The following UBE2K variants were observed in gnomAD, a reference collection of about 807,000 sequenced individuals.
UBE2K encodes ubiquitin conjugating enzyme E2 K.
UBE2K carries 6 observed loss-of-function variants against 30.0 expected under a neutral mutation model. The observed-to-expected ratio is 0.20, with a 90% CI of 0.11 to 0.39. The LOEUF is 0.39. Ranked by LOEUF, UBE2K falls within the 10% of genes least tolerant of loss-of-function variation. The probability of loss-of-function intolerance (pLI) is 1.00; values close to 1 mark genes in which losing one functional copy is unlikely to be tolerated. For synonymous variants in UBE2K, 86 were observed against 83.7 expected, an observed-to-expected ratio of 1.03 and a Z score of -0.15; for missense variants, 61 against 241.6, an observed-to-expected ratio of 0.25 and a Z score of 4.96.
chr4:39,711,845 C>G (rs1267993114), intron 1 of UBE2K, among the ~76,000 whole-genome samples: 1 of 151,654 alleles, frequency 6.6e-6, no homozygotes. Flanking sequence ...CCAGACCAGC[C>G]TGAACACCAT....
chr4:39,760,796 A>C (rs549161924), intron 4 of UBE2K, among the ~76,000 whole-genome samples: 2 of 152,232 alleles, frequency 1.3e-5, no homozygotes, highest in East Asian at 1.9e-4. Context: ...AAAATTAAAA[A>C]AAATTAAAAC....
intron 4 of UBE2K, chr4:39,771,088 T>G (rs1712785620): frequency 4.3e-6 from 7 of 1,612,612 alleles, no homozygotes; most frequent in Non-Finnish European, 5.9e-6. Flanking sequence ...CTGGCATTTC[T>G]CCACCACGTG....
At chr4:39,728,599 C>T (rs570106037) in intron 1 of UBE2K, among the ~76,000 whole-genome samples, 44 of 151,346 alleles carry the variant, frequency 2.9e-4, no homozygotes, top group Middle Eastern at 3.4e-3. Context: ...TTTCCTTTTC[C>T]CTTTCCCTCC....
intron 1 of UBE2K, among the ~76,000 whole-genome samples, chr4:39,734,766 G>A (rs73240676): frequency 0.1 from 15,757 of 152,214 alleles, 1,095 homozygotes; most frequent in East Asian, 0.22. Context: ...AGCTGAGATC[G>A]CACTGCTGCA....
intron 1 of UBE2K, 63 bp downstream of exon 1, chr4:39,698,453 C>T: frequency 1.3e-6 from 2 of 1,481,906 alleles, no homozygotes; most frequent in Non-Finnish European, 9.3e-7. Flanking sequence ...CTCCCAGCTG[C>T]GACCCCGATA....
rs1209400597 is a variant in UBE2K at position 39,703,575 on chromosome 4, G to A, written c.63+5185G>A. Among the ~76,000 whole-genome samples the A allele has an allele frequency of 8.6e-5, 13 of 151,988 alleles. 1 individual carries two copies. Among genetic ancestry groups the A allele is most frequent in the South Asian group, 8.3e-4 (4 of 4,824 alleles). On this transcript the variant is annotated intron_variant, in intron 1 of 6. Transcript: ENST00000261427. ...CTATATAAGAAGAACACAGCCAGGCGTGGTGGCTCACGCCTGTAATCCCAG... is the reference window on the plus strand; with the variant it reads ...CTATATAAGAAGAACACAGCCAGGCATGGTGGCTCACGCCTGTAATCCCAG...
At chr4:39,731,975 G>T (rs1356721876) in intron 1 of UBE2K, among the ~76,000 whole-genome samples, 1 of 151,954 alleles carries the variant, frequency 6.6e-6, no homozygotes, top group African/African-American at 2.4e-5. Context: ...TTTGAGATTT[G>T]GATTTAAATT....
intron 1 of UBE2K, among the ~76,000 whole-genome samples, chr4:39,734,727 A>G (rs1312124416): frequency 6.6e-6 from 1 of 152,134 alleles, no homozygotes; most frequent in Non-Finnish European, 1.5e-5. Context: ...TGGGAGAATC[A>G]CCTGAGCTTG....
At chr4:39,758,345 A>G (rs1346303404) in intron 4 of UBE2K, among the ~76,000 whole-genome samples, 1 of 152,026 alleles carries the variant, frequency 6.6e-6, no homozygotes, top group Non-Finnish European at 1.5e-5. Flanking sequence ...GCTTTTACCT[A>G]CTCAGGCTAT....
chr4:39,731,664 A>T (rs1045840290), intron 1 of UBE2K, among the ~76,000 whole-genome samples: 3 of 150,964 alleles, frequency 2.0e-5, no homozygotes, highest in Non-Finnish European at 4.4e-5. Context: ...TCAAAAAAAT[A>T]AAAAAAAAAT....
intron 1 of UBE2K, among the ~76,000 whole-genome samples, chr4:39,706,369 G>A (rs1191389113): frequency 1.3e-5 from 2 of 151,462 alleles, no homozygotes; most frequent in East Asian, 3.9e-4. Context: ...TCATTGTATT[G>A]GCCAGGCTGG....
At chr4:39,762,030 T>C (rs978192330) in intron 4 of UBE2K, among the ~76,000 whole-genome samples, 4 of 151,578 alleles carry the variant, frequency 2.6e-5, no homozygotes, top group Non-Finnish European at 5.9e-5. Flanking sequence ...AAATAAAAAA[T>C]TAGCCGGGCG....
In UBE2K at chr4:39,750,720, CTT is replaced by C. The variant is rs33938106; in HGVS notation, c.217-4923_217-4922del. On this transcript the variant is annotated intron_variant, in intron 3 of 6. Transcript: ENST00000261427. The stretch of plus-strand genomic sequence containing the variant: ...CGGAGATAATCTTGAAGATTAAATT[CTT>C]TTTTTTTTTTTTTACAAAATTTTTA... Among the ~76,000 whole-genome samples, 1,335 of 142,908 alleles carry C rather than the reference CTT, an allele frequency of 9.3e-3. 18 individuals are homozygous for C. Among genetic ancestry groups the C allele is most frequent in the African/African-American group, 0.028 (1,087 of 39,084 alleles). 93.8% of individuals were successfully genotyped at this position (142,908 alleles called of 152,430 possible).
chr4:39,736,394 G>A (rs1720382205), intron 1 of UBE2K, among the ~76,000 whole-genome samples: 1 of 152,316 alleles, frequency 6.6e-6, no homozygotes, highest in Non-Finnish European at 1.5e-5. Context: ...CCCAGGAGGT[G>A]GAGGTTGCAG....
rs1019470203 is a variant in UBE2K, at chr4:39,755,529, C to T, written c.217-128C>T. 5 of 652,676 alleles carry T rather than the reference C, an allele frequency of 7.7e-6. No individual in the cohort carries two copies. In the African/African-American group the frequency reaches 9.5e-5, roughly 12 times the overall value. 40.4% of individuals were successfully genotyped at this position (652,676 alleles called of 1,614,324 possible). A position where few individuals can be genotyped will look rare whatever the true frequency, so the allele number is the denominator to read the frequency against. ...TTGTCTTCTACACCCCTTCTTTCACCTAGGCAAAATGATGTAATAGATATA... is the reference window on the plus strand; with the variant it reads ...TTGTCTTCTACACCCCTTCTTTCACTTAGGCAAAATGATGTAATAGATATA... On this transcript the variant is annotated intron_variant, in intron 3 of 6. Coordinates refer to ENST00000261427, the MANE Select transcript of UBE2K (RefSeq NM_005339.5).
At chr4:39,730,731 C>G (rs771170211) in intron 1 of UBE2K, among the ~76,000 whole-genome samples, 3 of 151,324 alleles carry the variant, frequency 2.0e-5, no homozygotes, top group African/African-American at 7.3e-5. Context: ...GATTGCGCCA[C>G]TGCACTCCAG....
At chr4:39,747,956 C>G (rs1317116638) in intron 3 of UBE2K, among the ~76,000 whole-genome samples, 1 of 152,084 alleles carries the variant, frequency 6.6e-6, no homozygotes, top group East Asian at 1.9e-4. Flanking sequence ...CACCCGCCAC[C>G]AAGCCCAGCT....
rs866188997 is a variant in UBE2K at position 39,779,831 on chromosome 4, T to G, written c.*1397T>G. The G allele has an allele frequency of 6.6e-6, 1 of 152,192 alleles. No individual in the cohort carries two copies. The highest frequency in any genetic ancestry group is 1.5e-5 in the Non-Finnish European group (1 of 68,018). The allele number at this position is 152,192 out of a possible 1,614,324, so 9.4% of individuals were successfully genotyped here. A position where few individuals can be genotyped will look rare whatever the true frequency, so the allele number is the denominator to read the frequency against. The stretch of plus-strand genomic sequence containing the variant: ...GACTGAATTAAAGTAAGGCTGTATA[T>G]TGAAAGTCATATTATAAAAGGTTTG... On this transcript the variant is annotated 3_prime_UTR_variant, in exon 7 of 7. Transcript: ENST00000261427.
In UBE2K at chr4:39,775,023, C is replaced by G. The variant is rs1346787525; in HGVS notation, c.399+90C>G. On this transcript the variant is annotated intron_variant, in intron 5 of 6. Transcript: ENST00000261427. ...TTGCACATTAACACATGAGCATACT[C>G]TATTGAAACTAAATTTTGAAATGGT... is the stretch of plus-strand genomic sequence containing the variant. The G allele has an allele frequency of 1.4e-5, 9 of 635,702 alleles. 1 individual carries two copies. The Admixed American group carries it at 2.7e-4, about 19-fold the overall frequency. 39.4% of individuals were successfully genotyped at this position (635,702 alleles called of 1,614,324 possible). A position where few individuals can be genotyped will look rare whatever the true frequency, so the allele number is the denominator to read the frequency against.
Sources: gnomAD v4.1 joint callset for allele counts (sites outside exome capture counted in the v4.1 genomes callset) on GRCh38, gnomAD v4.1.1 for gene constraint, MANE v1.5 for transcripts, NCBI Gene and HGNC (gene_info 2026-07-23, HGNC 2026-07-21) for gene names.